PLCB2: variants seen among roughly 807,000 people sequenced by gnomAD.
The protein encoded by PLCB2 is 1-phosphatidylinositol 4,5-bisphosphate phosphodiesterase beta-2.
In PLCB2, 115 loss-of-function variants were observed where a neutral mutation model predicts 141.7. The observed-to-expected ratio is 0.81, with a 90% confidence interval of 0.70 to 0.95. PLCB2 has a LOEUF of 0.95. Ranked by LOEUF, PLCB2 falls within the 40% of genes least tolerant of loss-of-function variation. The probability of loss-of-function intolerance (pLI) is 0.00; values close to 1 mark genes in which losing one functional copy is unlikely to be tolerated. For missense variants in PLCB2, 1,403 were observed against 1,541.1 expected, an observed-to-expected ratio of 0.91 and a Z score of 1.50; for synonymous variants, 603 against 595.6, an observed-to-expected ratio of 1.01 and a Z score of -0.18.
rs527583714 is a variant in PLCB2 at position 40,296,891 on chromosome 15, G to A, written c.1341C>T (p.Pro447=). 6 of 1,613,962 alleles carry A rather than the reference G, an allele frequency of 3.7e-6. No individual in the cohort carries two copies. The highest frequency in any genetic ancestry group is 1.7e-5 in the Admixed American group (1 of 59,976). ...CCCTGAGATCCTCAGGGCTGGGCAG[G>A]GGGACACCTGGTTTTAGCTATGGAG... is the stretch of plus-strand genomic sequence containing the variant. ...LEKFPLKPGV[P]LPSPEDLRGK... Residue 447 remains proline (P), a synonymous_variant, in exon 14 of 32, where the codon CCC becomes CCT. Transcript: ENST00000260402.
At chr15:40,290,889 A>C in intron 27 of PLCB2, 52 bp from the exon 28 acceptor site, 1 of 608,628 alleles carries the variant, frequency 1.6e-6, no homozygotes. Flanking sequence ...GTTCAGAGGG[A>C]GTACGGGGGG....
In PLCB2 at chr15:40,296,898, C is replaced by T. The variant is rs367879512; in HGVS notation, c.1334G>A (p.Gly445Asp). The change falls in exon 14 of 32, where the codon GGT becomes GAT. Residue 445 changes from glycine (G) to aspartate (D), a missense_variant. Coordinates refer to ENST00000260402, the MANE Select transcript of PLCB2 (RefSeq NM_004573.3). ...ATCCTCAGGGCTGGGCAGGGGGACA[C>T]CTGGTTTTAGCTATGGAGTGGAGAG... ...EPLEKFPLKPGVPLPSPEDLR... is the reference protein window; with the variant it reads ...EPLEKFPLKPDVPLPSPEDLR... The T allele has an allele frequency of 8.7e-6, 14 of 1,613,840 alleles. No individual in the cohort carries two copies. Among genetic ancestry groups the T allele is most frequent in the Non-Finnish European group, 1.2e-5 (14 of 1,179,946 alleles).
chr15:40,301,864 C>T, intron 7 of PLCB2, 93 bp downstream of exon 7: 1 of 1,107,974 alleles, frequency 9.0e-7, no homozygotes, highest in Admixed American at 1.9e-5. Flanking sequence ...GCTGTGATGT[C>T]ACCTCTGCTC....
At chr15:40,289,396 A>T in intron 30 of PLCB2, 38 bp from the exon 31 acceptor site, 1 of 1,483,782 alleles carries the variant, frequency 6.7e-7, no homozygotes. Flanking sequence ...AGGACAACAC[A>T]GACAGGCAAG....
chr15:40,289,122 C>T, intron 31 of PLCB2, 150 bp downstream of exon 31: 1 of 1,003,676 alleles, frequency 1.0e-6, no homozygotes, highest in Non-Finnish European at 1.5e-6. Flanking sequence ...ATCTGCAGAG[C>T]TGCCTCATTT....
downstream of PLCB2, among the ~76,000 whole-genome samples, chr15:40,286,992 G>C (rs1398956548): frequency 6.6e-6 from 1 of 152,232 alleles, no homozygotes. Context: ...AAATCTGGGG[G>C]CTGCCCAGTG....
At chr15:40,292,187 T>C (rs1490101625) in intron 22 of PLCB2, 29 bp from the exon 23 acceptor site, 11 of 1,592,932 alleles carry the variant, frequency 6.9e-6, no homozygotes, top group Non-Finnish European at 7.8e-6. Flanking sequence ...CATTACAACA[T>C]AGTGTATATG....
chr15:40,291,423 C>G lies in PLCB2; in HGVS notation c.2712G>C (p.Arg904=). ...ELKGVVKLQR[R]HEKELRELER... ...CCAACTCTCGCAGCTCCTTCTCGTG[C>G]CGCCGCTGCAGCTTCACCACGCCCT... The change falls in exon 26 of 32, where the codon CGG becomes CGC. Residue 904 remains arginine (R), a synonymous_variant. Coordinates refer to ENST00000260402, the MANE Select transcript of PLCB2 (RefSeq NM_004573.3). 6.5e-7 allele frequency: 1 copy of G among 1,539,372 alleles called. No homozygotes were observed. Among genetic ancestry groups the G allele is most frequent in the Non-Finnish European group, 8.7e-7 (1 of 1,147,942 alleles).
intron 21 of PLCB2, 112 bp from the exon 22 acceptor site, chr15:40,292,555 G>T: frequency 1.5e-6 from 1 of 650,446 alleles, no homozygotes; most frequent in Admixed American, 2.9e-5. Flanking sequence ...TCCTGGCTGT[G>T]TGACTTCAGC....
rs1381475278 is a variant in PLCB2, at chr15:40,302,453, G to A, written c.372+16C>T. On this transcript the variant is annotated intron_variant, in intron 4 of 31. Coordinates refer to ENST00000260402, the MANE Select transcript of PLCB2 (RefSeq NM_004573.3). The stretch of plus-strand genomic sequence containing the variant: ...TCCCAGGGGCCCAGACCCAGGCCCA[G>A]TGCTCCCTGGCACACCTTGCCCACG... The A allele has an allele frequency of 3.1e-6, 5 of 1,613,780 alleles. No individual in the cohort carries two copies. Among genetic ancestry groups the A allele is most frequent in the Non-Finnish European group, 3.4e-6 (4 of 1,179,912 alleles).
At chr15:40,302,677 G>C (rs1012417349) in intron 3 of PLCB2, 68 bp from the exon 4 acceptor site, 1 of 1,571,898 alleles carries the variant, frequency 6.4e-7, no homozygotes, top group African/African-American at 1.3e-5. Context: ...GCTCTCTCTG[G>C]CCCTCCCCTC....
In PLCB2 at chr15:40,290,089, G is replaced by C; in HGVS notation, c.3210-7C>G. 2.5e-6 allele frequency: 4 copies of C among 1,597,900 alleles called. No individual in the cohort carries two copies. Among genetic ancestry groups the C allele is most frequent in the Non-Finnish European group, 3.4e-6 (4 of 1,165,340 alleles). ...GTTAATCTCTCTCTTCAACCTGTTG[G>C]TGTAATTGGAGTTTTAGAAAAGGGA... is the stretch of plus-strand genomic sequence containing the variant. On this transcript the variant is annotated splice_polypyrimidine_tract_variant and splice_region_variant and intron_variant, in intron 29 of 31. Coordinates refer to ENST00000260402, the MANE Select transcript of PLCB2 (RefSeq NM_004573.3).
downstream of PLCB2, chr15:40,286,127 A>C (rs188881622): frequency 1.3e-6 from 1 of 774,442 alleles, no homozygotes; most frequent in African/African-American, 1.9e-5. Flanking sequence ...TTTGCTGCAG[A>C]GCACAGAGGC....
chr15:40,296,574 T>C lies in PLCB2; in HGVS notation c.1547A>G (p.Glu516Gly). The C allele has an allele frequency of 1.2e-6, 2 of 1,613,270 alleles. No individual in the cohort carries two copies. The highest frequency in any genetic ancestry group is 1.7e-6 in the Non-Finnish European group (2 of 1,179,534). Reference protein sequence around the residue: ...EEEEVEEEEEEESGNLDEEEI... With the variant: ...EEEEVEEEEEGESGNLDEEEI... ...TTCTTCATCCAGGTTTCCTGACTCCTCCTCCTCTTCCTCTTCCACCTCCTC... is the reference window on the plus strand; with the variant it reads ...TTCTTCATCCAGGTTTCCTGACTCCCCCTCCTCTTCCTCTTCCACCTCCTC... Residue 516 changes from glutamate to glycine, a missense_variant, in exon 15 of 32, where the codon GAG (glutamate) becomes GGG (glycine). Physicochemically the swap from Glu to Gly is moderately conservative, Grantham distance 98. Coordinates refer to ENST00000260402, the MANE Select transcript of PLCB2 (RefSeq NM_004573.3).
In PLCB2 at chr15:40,291,915, G is replaced by A. The variant is rs751419723; in HGVS notation, c.2536C>T (p.Pro846Ser). The A allele has an allele frequency of 1.2e-6, 2 of 1,614,164 alleles. No individual in the cohort carries two copies. The highest frequency in any genetic ancestry group is 1.7e-6 in the Non-Finnish European group (2 of 1,180,008). The change falls in exon 24 of 32, where the codon CCA becomes TCA. Residue 846 changes from proline to serine, a missense_variant. This residue lies in a region of PLCB2 where 975 missense variants were observed against 1,141.1 expected (regional missense o/e 0.85). Transcript: ENST00000260402. ...TGGCTGGCAACTGGACTCGCCAGTG[G>A]GAAGGGCTTCTGTGTAGGGAGAGCA... ...AMGGLPEKPF[P>S]LASPVASQVN...
rs767242431 is a variant in PLCB2, at chr15:40,298,280, A to C, written c.1098T>G (p.Pro366=). The C allele has an allele frequency of 2.5e-6, 4 of 1,602,422 alleles. No homozygotes were observed. In the Admixed American group the frequency reaches 6.8e-5, roughly 27 times the overall value. ...CATGGGTGATAATGGGCTCCTCGTCAGGGGGTTTCCCCTTCCAGCAGTCTA... is the reference window on the plus strand; with the variant it reads ...CATGGGTGATAATGGGCTCCTCGTCCGGGGGTTTCCCCTTCCAGCAGTCTA... ...VELDCWKGKP[P]DEEPIITHGF... is the part of the protein sequence containing the mutation. Residue 366 remains proline (P), a synonymous_variant, in exon 11 of 32, where the codon CCT becomes CCG. Transcript: ENST00000260402.
chr15:40,297,405 T>C lies in PLCB2; in HGVS notation c.1323+116A>G, dbSNP rs2040278237. On this transcript the variant is annotated intron_variant, in intron 13 of 31. Transcript: ENST00000260402. The surrounding 1 kb of genome is among the most constrained non-coding windows in gnomAD (Gnocchi z 4.2). ...AAGGTGACAGGATCCCAGACCCGCA[T>C]CTAACCAAGTGAACCCTAGCATCCT... 1.2e-5 allele frequency: 10 copies of C among 801,648 alleles called. No homozygotes were observed. The South Asian group carries it at 1.3e-4, about 10-fold the overall frequency. 49.7% of individuals were successfully genotyped at this position (801,648 alleles called of 1,614,324 possible). A position where few individuals can be genotyped will look rare whatever the true frequency, so the allele number is the denominator to read the frequency against.
intron 18 of PLCB2, 78 bp downstream of exon 18, chr15:40,294,858 C>T: frequency 6.3e-7 from 1 of 1,585,652 alleles, no homozygotes; most frequent in African/African-American, 1.3e-5. Flanking sequence ...CAGCCTGTTC[C>T]AAAGACCCCT....
At chr15:40,293,417 A>C (rs2040036121) in intron 20 of PLCB2, 143 bp downstream of exon 20, 1 of 815,160 alleles carries the variant, frequency 1.2e-6, no homozygotes, top group East Asian at 2.5e-5. Context: ...TGGGTTTTGC[A>C]CTCTTGAAAC....
Sources: allele counts gnomAD v4.1 joint callset (sites outside exome capture counted in the v4.1 genomes callset), GRCh38; gene constraint gnomAD v4.1.1; regional missense constraint gnomAD v4.1.1; non-coding constraint Gnocchi (gnomAD v3.1); transcripts MANE v1.5; gene names NCBI Gene and HGNC (gene_info 2026-07-23, HGNC 2026-07-21).